The following TCAIM variants were observed in gnomAD, a reference collection of about 807,000 sequenced individuals.
TCAIM encodes the protein T-cell activation inhibitor, mitochondrial.
Under a neutral mutation model 58.6 loss-of-function variants are expected in TCAIM, and 36 were observed. The ratio of observed to expected loss-of-function variants is 0.61; its 90% CI spans 0.47 to 0.81. The LOEUF is 0.81. Among genes scored for constraint, TCAIM ranks in the 30% least tolerant of loss-of-function variants. TCAIM has a pLI of 0.00. For missense variants in TCAIM, 466 were observed against 579.6 expected (o/e 0.80, Z 2.01); for synonymous variants, 172 against 193.6 (o/e 0.89, Z 0.93).
chr3:44,338,284 C>T (rs1471906146), upstream of TCAIM: 1 of 152,470 alleles, frequency 6.6e-6, no homozygotes, highest in African/African-American at 2.4e-5. Context: ...TCCTAAAGCT[C>T]TCAGCCGAGC....
In TCAIM at chr3:44,372,343, T is replaced by A. The variant is rs138203235; in HGVS notation, c.572+4635T>A. ...TCAAGTGACTGCCTAGTAGAGAGAT[T>A]CATGGTGCCTATAAGTCTACTAAAA... On this transcript the variant is annotated intron_variant, in intron 5 of 10. Transcript: ENST00000342649. Among the ~76,000 whole-genome samples the A allele has an allele frequency of 1.5e-4, 23 of 152,304 alleles. No homozygotes were observed. The East Asian group carries it at 4.2e-3, about 28-fold the overall frequency.
intron 5 of TCAIM, among the ~76,000 whole-genome samples, chr3:44,389,263 C>T (rs1427182509): frequency 6.6e-6 from 1 of 152,216 alleles, no homozygotes; most frequent in African/African-American, 2.4e-5. Flanking sequence ...GCACTCCAGC[C>T]TGGGTGACAC....
chr3:44,347,318 G>C (rs1700990381), intron 1 of TCAIM, among the ~76,000 whole-genome samples: 1 of 152,176 alleles, frequency 6.6e-6, no homozygotes, highest in South Asian at 2.1e-4. Flanking sequence ...ACTTAATAAG[G>C]TGTGAAGTAG....
intron 10 of TCAIM, among the ~76,000 whole-genome samples, chr3:44,401,902 G>A (rs1006585994): frequency 2.6e-5 from 4 of 151,960 alleles, no homozygotes; most frequent in African/African-American, 4.8e-5. Flanking sequence ...GTGTTATGGC[G>A]GTCACCTCTA....
chr3:44,370,434 C>CA (rs1701446757), intron 5 of TCAIM, among the ~76,000 whole-genome samples: 1 of 131,240 alleles, frequency 7.6e-6, no homozygotes, highest in Non-Finnish European at 1.6e-5. Flanking sequence ...CCAGCCTGGG[C>CA]AACAGAGTGA....
intron 5 of TCAIM, among the ~76,000 whole-genome samples, chr3:44,390,497 C>T (rs1478510091): frequency 1.3e-5 from 2 of 152,108 alleles, no homozygotes; most frequent in African/African-American, 4.8e-5. Context: ...GTAGTACATG[C>T]TTGTAGTCCC....
chr3:44,366,683 G>A (rs890575410), intron 4 of TCAIM, among the ~76,000 whole-genome samples: 16 of 151,540 alleles, frequency 1.1e-4, no homozygotes, highest in African/African-American at 3.6e-4. Context: ...AGCCAGGATA[G>A]TCTCGATCTC....
chr3:44,338,974 T>C (rs1386592455), intron 1 of TCAIM, 140 bp downstream of exon 1: 3 of 152,156 alleles, frequency 2.0e-5, no homozygotes, highest in Admixed American at 6.5e-5. Context: ...GGACGCAGTA[T>C]CCGCATCGCA....
chr3:44,349,685 G>A (rs1349860618), intron 1 of TCAIM, among the ~76,000 whole-genome samples: 1 of 152,174 alleles, frequency 6.6e-6, no homozygotes, highest in African/African-American at 2.4e-5. Context: ...AGGGAAGACT[G>A]TCTTCCCGAG....
chr3:44,342,319 G>T (rs1006638942), intron 1 of TCAIM, among the ~76,000 whole-genome samples: 1 of 152,090 alleles, frequency 6.6e-6, no homozygotes, highest in Non-Finnish European at 1.5e-5. Flanking sequence ...TGCCATTCTT[G>T]CATTCCTGGA....
intron 2 of TCAIM, 103 bp from the exon 3 acceptor site, chr3:44,357,638 T>G (rs1701220767): frequency 7.1e-7 from 1 of 1,414,084 alleles, no homozygotes; most frequent in Non-Finnish European, 9.4e-7. Context: ...TCTATCTTGT[T>G]TCTGCTGTGC....
At chr3:44,338,716 C>A (rs11130025), upstream of TCAIM, 53,451 of 152,324 alleles carry the variant, frequency 0.35, 10,254 homozygotes, top group African/African-American at 0.47. Context: ...GCTGACGCCC[C>A]AGTGCGCATG....
At chr3:44,396,000 A>G (rs1265770548) in intron 6 of TCAIM, among the ~76,000 whole-genome samples, 1 of 152,278 alleles carries the variant, frequency 6.6e-6, no homozygotes, top group Non-Finnish European at 1.5e-5. Flanking sequence ...AACAAAAAAG[A>G]GAACCTGATA....
rs1260934657 is a variant in TCAIM at position 44,396,745 on chromosome 3, T to C, written c.796T>C (p.Cys266Arg). 3 of 1,613,600 alleles carry C rather than the reference T, an allele frequency of 1.9e-6. No individual in the cohort carries two copies. The highest frequency in any genetic ancestry group is 1.7e-6 in the Non-Finnish European group (2 of 1,179,864). Residue 266 changes from cysteine to arginine, a missense_variant and splice_region_variant, in exon 8 of 11, where the codon TGT (cysteine) becomes CGT (arginine). Physicochemically the swap from Cys to Arg is radical, Grantham distance 180. Coordinates refer to ENST00000342649, the MANE Select transcript of TCAIM (RefSeq NM_173826.4). ...AAGGTTTTGTGTTTTGTCATCAGGG[T>C]GTACAATCATATTTACAGACCGTTC... ...NLETLKKAKG[C>R]TIIFTDRSGM...
chr3:44,352,184 T>G (rs1368395840), intron 1 of TCAIM, among the ~76,000 whole-genome samples: 2 of 151,636 alleles, frequency 1.3e-5, no homozygotes, highest in Admixed American at 1.3e-4. Context: ...GAGAACGTGC[T>G]ACTCAGCAGC....
intron 2 of TCAIM, among the ~76,000 whole-genome samples, chr3:44,355,914 AGAGGGATAAGTG>A (rs1474363626): frequency 1.3e-5 from 2 of 152,234 alleles, no homozygotes; most frequent in Admixed American, 1.3e-4. Context: ...ACGGAAGCTC[AGAGGGATAAGTG>A]GAGTTGCCAC....
intron 5 of TCAIM, among the ~76,000 whole-genome samples, chr3:44,381,745 C>T (rs1163671472): frequency 6.6e-6 from 1 of 152,120 alleles, no homozygotes; most frequent in Non-Finnish European, 1.5e-5. Context: ...GCAGATTCCA[C>T]TGAAGAATCT....
At chr3:44,378,788 C>A (rs1459282956) in intron 5 of TCAIM, among the ~76,000 whole-genome samples, 1 of 145,322 alleles carries the variant, frequency 6.9e-6, no homozygotes, top group Non-Finnish European at 1.5e-5. Flanking sequence ...CAGAGCGAGA[C>A]TCTGTCTCAA....
At chr3:44,365,913 T>C (rs1701366740) in intron 4 of TCAIM, among the ~76,000 whole-genome samples, 1 of 152,218 alleles carries the variant, frequency 6.6e-6, no homozygotes, top group South Asian at 2.1e-4. Context: ...CTGTTAATAG[T>C]GATTACCTCA....
Sources: allele counts gnomAD v4.1 joint callset (sites outside exome capture counted in the v4.1 genomes callset), GRCh38; gene constraint gnomAD v4.1.1; transcripts MANE v1.5; gene names NCBI Gene and HGNC (gene_info 2026-07-23, HGNC 2026-07-21).